The following DIP2C variants were observed in gnomAD, a reference collection of about 807,000 sequenced individuals.
DIP2C encodes disco-interacting protein 2 homolog C.
DIP2C carries 33 observed loss-of-function variants against 192.4 expected under a neutral mutation model. That is an observed-to-expected ratio of 0.17 (90% CI 0.13 to 0.23). The LOEUF (loss-of-function observed/expected upper bound fraction) is 0.23, where lower values mean the gene tolerates loss of function less well. Among genes scored for constraint, DIP2C ranks in the 10% least tolerant of loss-of-function variants. The pLI is 1.00. For synonymous variants in DIP2C, 979 were observed against 864.1 expected (o/e 1.13, Z -2.33); for missense variants, 1,537 against 2,110.1 (o/e 0.73, Z 5.32).
intron 1 of DIP2C, among the ~76,000 whole-genome samples, chr10:575,224 C>G (rs924573673): frequency 2.0e-5 from 3 of 151,992 alleles, no homozygotes; most frequent in African/African-American, 7.3e-5. Flanking sequence ...ACTTAGAAGA[C>G]AAAGTTTATT....
At chr10:494,208 C>A (rs775799289) in intron 1 of DIP2C, among the ~76,000 whole-genome samples, 20 of 152,208 alleles carry the variant, frequency 1.3e-4, no homozygotes, top group Non-Finnish European at 2.8e-4. Flanking sequence ...AAGATGGAAT[C>A]ACTTTGACAG....
intron 1 of DIP2C, among the ~76,000 whole-genome samples, chr10:579,785 CAT>C (rs1850472242): frequency 6.6e-6 from 1 of 151,854 alleles, no homozygotes; most frequent in South Asian, 2.1e-4. Context: ...CATCCATATC[CAT>C]ATAGCATATG....
chr10:371,010 C>T lies in DIP2C; in HGVS notation c.1992-1377G>A, dbSNP rs575997830. ...GAAAAGTCTCCCCAAATAAGAAAAC[C>T]CACACGGAACTACCTAGATAGGGCG... On this transcript the variant is annotated intron_variant, in intron 17 of 36. Coordinates refer to ENST00000280886, the MANE Select transcript of DIP2C (RefSeq NM_014974.3). Among the ~76,000 whole-genome samples the T allele has an allele frequency of 4.4e-3, 670 of 152,192 alleles. 7 individuals are homozygous for T. The highest frequency in any genetic ancestry group is 6.2e-3 in the Non-Finnish European group (424 of 68,008).
At chr10:379,350 TGATCC>T (rs1387220026) in intron 17 of DIP2C, among the ~76,000 whole-genome samples, 1 of 152,116 alleles carries the variant, frequency 6.6e-6, no homozygotes, top group Non-Finnish European at 1.5e-5. Flanking sequence ...GAGGTTCCAT[TGATCC>T]TGTGAGCCCC....
intron 1 of DIP2C, among the ~76,000 whole-genome samples, chr10:675,086 C>G (rs1265726937): frequency 6.6e-6 from 1 of 152,018 alleles, no homozygotes; most frequent in African/African-American, 2.4e-5. Context: ...GAAATCACAT[C>G]TAGGATATTC....
chr10:609,471 C>T (rs1050983377), intron 1 of DIP2C, among the ~76,000 whole-genome samples: 2 of 152,218 alleles, frequency 1.3e-5, no homozygotes, highest in Admixed American at 1.3e-4. Context: ...ATTCAATCAG[C>T]ATCAGTCTCT....
At position 651,464 on chromosome 10, in the gene DIP2C, A is replaced by G. The variant is rs555531368; in HGVS notation, c.85+38030T>C. 113 of 649,010 alleles carry G rather than the reference A, an allele frequency of 1.7e-4. No homozygotes were observed. Among genetic ancestry groups the G allele is most frequent in the South Asian group, 1.4e-3 (88 of 60,812 alleles). The allele number at this position is 649,010 out of a possible 1,614,324, so 40.2% of individuals were successfully genotyped here. A position where few individuals can be genotyped will look rare whatever the true frequency, so the allele number is the denominator to read the frequency against. On this transcript the variant is annotated intron_variant, in intron 1 of 36. Transcript: ENST00000280886. The surrounding 1 kb of genome is among the most constrained non-coding windows in gnomAD (Gnocchi z 4.1). ...AAGTAAAAATAGCAGAAGACTTAGTAGAATGTATGAGTAACAATTACAATT... is the reference window on the plus strand; with the variant it reads ...AAGTAAAAATAGCAGAAGACTTAGTGGAATGTATGAGTAACAATTACAATT...
At position 652,414 on chromosome 10, in the gene DIP2C, C is replaced by G. The variant is rs1855989753; in HGVS notation, c.85+37080G>C. 1 of 161,022 alleles carries G rather than the reference C, an allele frequency of 6.2e-6. No individual in the cohort carries two copies. Among genetic ancestry groups the G allele is most frequent in the Non-Finnish European group, 1.4e-5 (1 of 72,626 alleles). The allele number at this position is 161,022 out of a possible 1,614,324, so 10.0% of individuals were successfully genotyped here. ...GGGGGCGCACTGTGCACCCTCCCAG[C>G]TCTCCTCCACCCCTTCCCTCAGGCT... On this transcript the variant is annotated intron_variant, in intron 1 of 36. Coordinates refer to ENST00000280886, the MANE Select transcript of DIP2C (RefSeq NM_014974.3). The surrounding 1 kb of genome is among the most constrained non-coding windows in gnomAD (Gnocchi z 4.5).
intron 3 of DIP2C, among the ~76,000 whole-genome samples, chr10:452,558 G>A (rs549389230): frequency 6.0e-4 from 92 of 152,278 alleles, no homozygotes; most frequent in Non-Finnish European, 4.9e-4. Context: ...AGGAGCATCC[G>A]GCCACTAACA....
chr10:653,861 A>G (rs978123938), intron 1 of DIP2C, among the ~76,000 whole-genome samples: 1 of 152,210 alleles, frequency 6.6e-6, no homozygotes, highest in Non-Finnish European at 1.5e-5. Flanking sequence ...TTTGTAACAG[A>G]CTTGAGAAAG....
Position 414,036 on chromosome 10 carries a change from C to T in DIP2C, c.934G>A (p.Val312Met), listed in dbSNP as rs762575049. 26 of 1,614,028 alleles carry T rather than the reference C, an allele frequency of 1.6e-5. No homozygotes were observed. The highest frequency in any genetic ancestry group is 4.4e-5 in the South Asian group (4 of 91,076). ...MLAMRGEQLG[V>M]VTNWPPSLEA... is the part of the protein sequence containing the mutation. ...AGCGACGGCGGCCAGTTCGTGACCA[C>T]GCCCAGCTGCTCTCCGCGCATGGCC... The change falls in exon 8 of 37, where the codon GTG becomes ATG. Residue 312 changes from valine to methionine, a missense_variant. Physicochemically the swap from Val to Met is conservative, Grantham distance 21. Coordinates refer to ENST00000280886, the MANE Select transcript of DIP2C (RefSeq NM_014974.3).
intron 9 of DIP2C, 48 bp from the exon 10 acceptor site, chr10:399,267 T>TAGGAAG: frequency 6.7e-7 from 1 of 1,491,490 alleles, no homozygotes; most frequent in Non-Finnish European, 9.3e-7. Flanking sequence ...GGTCCTGGCT[T>TAGGAAG]CCTAAGACGC....
chr10:392,074 T>A (rs935397815), intron 10 of DIP2C, among the ~76,000 whole-genome samples: 2 of 152,192 alleles, frequency 1.3e-5, no homozygotes, highest in Non-Finnish European at 2.9e-5. Flanking sequence ...TGGAACCCAC[T>A]TCGGGGACAT....
intron 14 of DIP2C, 126 bp from the exon 15 acceptor site, chr10:384,765 C>CAT (rs1470779623): frequency 3.4e-6 from 3 of 888,458 alleles, no homozygotes; most frequent in East Asian, 2.5e-5. Context: ...CTGCAGACAC[C>CAT]ATGCACACAG....
chr10:661,144 T>TGCTCCAGGCTTG (rs1293215177), intron 1 of DIP2C, among the ~76,000 whole-genome samples: 3 of 152,224 alleles, frequency 2.0e-5, no homozygotes, highest in African/African-American at 7.2e-5. Flanking sequence ...GCACAAGGCC[T>TGCTCCAGGCTTG]GCTCCAGGCT....
At chr10:554,993 C>T (rs1848768276) in intron 1 of DIP2C, among the ~76,000 whole-genome samples, 1 of 152,088 alleles carries the variant, frequency 6.6e-6, no homozygotes, top group South Asian at 2.1e-4. Context: ...TCTCACAGTA[C>T]AGAAATATCA....
intron 5 of DIP2C, among the ~76,000 whole-genome samples, chr10:420,885 C>T (rs1221737667): frequency 2.0e-5 from 3 of 152,132 alleles, no homozygotes; most frequent in Admixed American, 1.3e-4. Context: ...CCGGAGGGAT[C>T]GGCCAGTGTG....
At chr10:298,589 C>T (rs1955872489) in intron 32 of DIP2C, among the ~76,000 whole-genome samples, 1 of 152,216 alleles carries the variant, frequency 6.6e-6, no homozygotes, top group African/African-American at 2.4e-5. Context: ...TCTGGGTGAC[C>T]AAGCCCATGC....
At chr10:657,082 C>A (rs1250752112) in intron 1 of DIP2C, among the ~76,000 whole-genome samples, 3 of 151,404 alleles carry the variant, frequency 2.0e-5, no homozygotes, top group East Asian at 1.9e-4. Flanking sequence ...GCTGGACTTG[C>A]CACTGGACTT....
Sources: allele counts gnomAD v4.1 joint callset (sites outside exome capture counted in the v4.1 genomes callset), GRCh38; gene constraint gnomAD v4.1.1; non-coding constraint Gnocchi (gnomAD v3.1); transcripts MANE v1.5; gene names NCBI Gene and HGNC (gene_info 2026-07-23, HGNC 2026-07-21).